Variants in DCK observed in about 807,000 individuals in gnomAD.
DCK encodes the protein deoxycytidine kinase.
DCK carries 23 observed loss-of-function variants against 38.3 expected under a neutral mutation model. That is an observed-to-expected ratio of 0.60 (90% CI 0.43 to 0.85). DCK has a LOEUF of 0.85. Ranked by LOEUF, DCK falls within the 40% of genes least tolerant of loss-of-function variation. DCK has a pLI of 0.00. For missense variants in DCK, 259 were observed against 304.4 expected (o/e 0.85, Z 1.11); for synonymous variants, 108 against 100.6 (o/e 1.07, Z -0.44).
chr4:71,007,434 C>G (rs931819645), intron 2 of DCK, among the ~76,000 whole-genome samples: 1 of 152,174 alleles, frequency 6.6e-6, no homozygotes, highest in Non-Finnish European at 1.5e-5. Flanking sequence ...TTCGCCTTCT[C>G]CAATCACTAT....
intron 2 of DCK, among the ~76,000 whole-genome samples, chr4:71,009,088 A>T (rs927753011): frequency 6.6e-6 from 1 of 152,228 alleles, no homozygotes; most frequent in African/African-American, 2.4e-5. Flanking sequence ...TACTCAGGTG[A>T]TGGACACCCT....
intron 2 of DCK, among the ~76,000 whole-genome samples, chr4:71,007,995 G>A (rs968051430): frequency 7.2e-5 from 11 of 152,166 alleles, no homozygotes; most frequent in African/African-American, 2.7e-4. Flanking sequence ...CCAGAGTGTT[G>A]GGATTACAGG....
chr4:71,014,628 G>A (rs918120904), intron 2 of DCK, among the ~76,000 whole-genome samples: 4 of 152,162 alleles, frequency 2.6e-5, no homozygotes, highest in African/African-American at 4.8e-5. Flanking sequence ...ACTCAAAACC[G>A]CTCAACTACA....
chr4:71,026,183 T>C (rs1021565793), intron 5 of DCK, among the ~76,000 whole-genome samples: 2 of 152,104 alleles, frequency 1.3e-5, no homozygotes, highest in Non-Finnish European at 2.9e-5. Flanking sequence ...CTTTAAGTGA[T>C]AAAGTAGGAA....
Position 70,993,895 on chromosome 4 carries a change from C to G in DCK, c.60C>G (p.Arg20=). 6.2e-7 allele frequency: 1 copy of G among 1,613,996 alleles called. No individual in the cohort carries two copies. Among genetic ancestry groups the G allele is most frequent in the Non-Finnish European group, 8.5e-7 (1 of 1,179,876 alleles). ...PSFSASSEGT[R]IKKISIEGNI... is the part of the protein sequence containing the mutation. The stretch of plus-strand genomic sequence containing the variant: ...TCTCAGCCAGCTCTGAGGGGACCCG[C>G]ATCAAGAAAATCTCCATCGAAGGGA... Residue 20 remains arginine, a synonymous_variant, in exon 1 of 7, where the codon CGC becomes CGG. Transcript: ENST00000286648.
At chr4:71,015,368 G>T (rs1169323944) in intron 2 of DCK, among the ~76,000 whole-genome samples, 4 of 152,190 alleles carry the variant, frequency 2.6e-5, no homozygotes, top group Non-Finnish European at 4.4e-5. Flanking sequence ...GGAGGAGCTG[G>T]TACCATTCCT....
intron 1 of DCK, 36 bp from the exon 2 acceptor site, chr4:70,998,031 A>G (rs200062418): frequency 1.8e-6 from 2 of 1,141,536 alleles, no homozygotes; most frequent in East Asian, 2.5e-5. Context: ...TTTCCTGACA[A>G]CTTTTCTTCC....
chr4:71,019,247 T>A (rs1178936059), intron 2 of DCK, among the ~76,000 whole-genome samples: 1 of 152,186 alleles, frequency 6.6e-6, no homozygotes, highest in Non-Finnish European at 1.5e-5. Flanking sequence ...TAGTTTATTA[T>A]TTTTTTGTTA....
intron 2 of DCK, among the ~76,000 whole-genome samples, chr4:71,014,419 C>T (rs1740198618): frequency 6.6e-6 from 1 of 152,186 alleles, no homozygotes; most frequent in African/African-American, 2.4e-5. Context: ...CCAAGCGGAC[C>T]TAAAAGACAT....
chr4:70,995,644 TC>T (rs1739645100), intron 1 of DCK, among the ~76,000 whole-genome samples: 1 of 152,138 alleles, frequency 6.6e-6, no homozygotes, highest in Admixed American at 6.5e-5. Flanking sequence ...AATACATTCA[TC>T]CCCTTTCCCT....
At chr4:71,026,902 A>G (rs932103212) in intron 6 of DCK, 147 bp downstream of exon 6, 32 of 433,566 alleles carry the variant, frequency 7.4e-5, no homozygotes, top group African/African-American at 5.4e-4. Context: ...ACTGTTTAAG[A>G]TTCCAGTCCT....
intron 6 of DCK, chr4:71,028,619 A>G: frequency 5.1e-6 from 2 of 389,046 alleles, no homozygotes; most frequent in East Asian, 8.4e-5. Flanking sequence ...TTTTCTCGAG[A>G]CAGTCTTGCT....
chr4:71,030,341 T>C lies in DCK; in HGVS notation c.*963T>C, dbSNP rs901049062. The C allele has an allele frequency of 2.0e-5, 3 of 152,200 alleles. No homozygotes were observed. Among genetic ancestry groups the C allele is most frequent in the South Asian group, 2.1e-4 (1 of 4,836 alleles). The allele number at this position is 152,200 out of a possible 1,614,324, so 9.4% of individuals were successfully genotyped here. On this transcript the variant is annotated 3_prime_UTR_variant, in exon 7 of 7. Transcript: ENST00000286648. Reference sequence around the variant, plus strand: ...TAGTTAAGGTGTGCAGTGTTTTTCCTGTGTATTAAACCTTTCCATTTTACG... The same window carrying C: ...TAGTTAAGGTGTGCAGTGTTTTTCCCGTGTATTAAACCTTTCCATTTTACG...
chr4:71,009,260 C>G (rs1259746645), intron 2 of DCK, among the ~76,000 whole-genome samples: 1 of 152,104 alleles, frequency 6.6e-6, no homozygotes, highest in Non-Finnish European at 1.5e-5. Context: ...AAGTCATCAC[C>G]CTAGTGAATC....
chr4:71,006,900 GA>G lies in DCK; in HGVS notation c.207+8726del, dbSNP rs923220737. Reference sequence around the variant, plus strand: ...TTTGATCTGAGGAGTACAGAAAATTGAAAAAAAAGTATCTAAAAAAATTTAG... The same window carrying G: ...TTTGATCTGAGGAGTACAGAAAATTGAAAAAAAGTATCTAAAAAAATTTAG... On this transcript the variant is annotated intron_variant, in intron 2 of 6. Coordinates refer to ENST00000286648, the MANE Select transcript of DCK (RefSeq NM_000788.3). 5.3e-5 allele frequency among the ~76,000 whole-genome samples: 8 copies of G among 151,584 alleles called. No individual in the cohort carries two copies. The South Asian group carries it at 8.3e-4, about 16-fold the overall frequency.
At chr4:70,997,165 C>G (rs777285447) in intron 1 of DCK, among the ~76,000 whole-genome samples, 2 of 152,158 alleles carry the variant, frequency 1.3e-5, no homozygotes, top group Non-Finnish European at 2.9e-5. Context: ...TGCTTTCAGA[C>G]TCTGGTGGAT....
chr4:71,010,660 C>A (rs1740066231), intron 2 of DCK, among the ~76,000 whole-genome samples: 1 of 145,904 alleles, frequency 6.9e-6, no homozygotes, highest in African/African-American at 2.5e-5. Context: ...AAATTATATA[C>A]ATAAGTTATA....
chr4:71,017,320 C>T (rs1005597782), intron 2 of DCK, among the ~76,000 whole-genome samples: 1 of 152,144 alleles, frequency 6.6e-6, no homozygotes, highest in African/African-American at 2.4e-5. Context: ...GAACACTTTT[C>T]CACTGTTGGT....
rs187232757 is a variant in DCK at position 71,020,045 on chromosome 4, C to T, written c.208-2322C>T. 8.5e-5 allele frequency among the ~76,000 whole-genome samples: 13 copies of T among 152,342 alleles called. No homozygotes were observed. The East Asian group carries it at 2.5e-3, about 29-fold the overall frequency. On this transcript the variant is annotated intron_variant, in intron 2 of 6. Coordinates refer to ENST00000286648, the MANE Select transcript of DCK (RefSeq NM_000788.3). ...TCAGGTGATCTGCCTGCCTCGGCCT[C>T]CCAAAGTGTTGGGATTACAGGCGTG...
Sources: allele counts gnomAD v4.1 joint callset (sites outside exome capture counted in the v4.1 genomes callset), GRCh38; gene constraint gnomAD v4.1.1; transcripts MANE v1.5; gene names NCBI Gene and HGNC (gene_info 2026-07-23, HGNC 2026-07-21).